FOXN3: variants seen among roughly 807,000 people sequenced by gnomAD.
The protein encoded by FOXN3 is forkhead box protein N3.
In FOXN3, 7 loss-of-function variants were observed where a neutral mutation model predicts 38.4. The observed-to-expected ratio is 0.18, with a 90% CI of 0.10 to 0.34. The LOEUF is 0.34. Among genes scored for constraint, FOXN3 ranks in the 10% least tolerant of loss-of-function variants. FOXN3 has a pLI of 1.00. For missense variants in FOXN3, 456 were observed against 613.4 expected (o/e 0.74, Z 2.71); for synonymous variants, 230 against 242.2 (o/e 0.95, Z 0.47).
intron 1 of FOXN3, among the ~76,000 whole-genome samples, chr14:89,581,723 AG>A (rs1419945251): frequency 6.6e-6 from 1 of 152,180 alleles, no homozygotes; most frequent in Non-Finnish European, 1.5e-5. Context: ...CTTATACCAC[AG>A]GACAGTGGAC....
At chr14:89,550,181 T>A (rs1482160895) in intron 1 of FOXN3, among the ~76,000 whole-genome samples, 1 of 152,126 alleles carries the variant, frequency 6.6e-6, no homozygotes, top group Non-Finnish European at 1.5e-5. Flanking sequence ...CAAAGGAAGC[T>A]CTGTGGTCTT....
rs78020544 is a variant in FOXN3, at chr14:89,481,944, G to T, written c.-14-69454C>A. Among the ~76,000 whole-genome samples the T allele has an allele frequency of 2.5e-4, 38 of 152,260 alleles. 1 individual carries two copies. In the East Asian group the frequency reaches 4.6e-3, roughly 19 times the overall value. On this transcript the variant is annotated intron_variant, in intron 1 of 6. Coordinates refer to the FOXN3 transcript ENST00000345097. ...ATATGGGGTAAACTGGCGTATGCTA[G>T]GACAGTCCTAGGCATACTGGGACTT... is the stretch of plus-strand genomic sequence containing the variant.
At chr14:89,492,618 A>T (rs1351771950) in intron 1 of FOXN3, among the ~76,000 whole-genome samples, 3 of 152,192 alleles carry the variant, frequency 2.0e-5, no homozygotes, top group Non-Finnish European at 4.4e-5. Flanking sequence ...AAACTGAGGC[A>T]GAAGGATCGC....
chr14:89,303,129 C>T (rs1017775909), intron 3 of FOXN3, among the ~76,000 whole-genome samples: 3 of 152,148 alleles, frequency 2.0e-5, no homozygotes, highest in Admixed American at 2.0e-4. Context: ...CCTGCCACCC[C>T]TTGTCTTTTA....
intron 2 of FOXN3, among the ~76,000 whole-genome samples, chr14:89,367,106 T>C (rs1260815764): frequency 2.6e-5 from 4 of 152,160 alleles, no homozygotes; most frequent in Non-Finnish European, 4.4e-5. Context: ...ACTGGGTTGT[T>C]TGGTGTTTGT....
At chr14:89,317,783 G>A (rs933638179) in intron 3 of FOXN3, among the ~76,000 whole-genome samples, 3 of 151,916 alleles carry the variant, frequency 2.0e-5, no homozygotes, top group African/African-American at 7.3e-5. Flanking sequence ...CGGCTGCACA[G>A]CAGGAGGTGA....
chr14:89,465,736 A>G (rs1187581340), intron 1 of FOXN3, among the ~76,000 whole-genome samples: 1 of 152,196 alleles, frequency 6.6e-6, no homozygotes, highest in Non-Finnish European at 1.5e-5. Flanking sequence ...GCTATGTTAC[A>G]TCCTCTCCAA....
chr14:89,559,843 G>A (rs1322709136), intron 1 of FOXN3, among the ~76,000 whole-genome samples: 1 of 152,048 alleles, frequency 6.6e-6, no homozygotes, highest in Admixed American at 6.5e-5. Flanking sequence ...TGGGGACACA[G>A]AGGCAGTCAC....
intron 4 of FOXN3, among the ~76,000 whole-genome samples, chr14:89,226,472 C>T (rs1400053065): frequency 1.3e-5 from 2 of 152,138 alleles, no homozygotes; most frequent in Non-Finnish European, 1.5e-5. Context: ...GATGGGGCCT[C>T]ACTATGTTAC....
chr14:89,239,106 G>A (rs767793047), intron 4 of FOXN3, among the ~76,000 whole-genome samples: 3 of 152,116 alleles, frequency 2.0e-5, no homozygotes, highest in Non-Finnish European at 4.4e-5. Flanking sequence ...AATTCACTCC[G>A]CCCCCCTCTT....
chr14:89,252,608 C>A, intron 4 of FOXN3, among the ~76,000 whole-genome samples: 1 of 147,070 alleles, frequency 6.8e-6, no homozygotes, highest in African/African-American at 2.5e-5. Context: ...GAGCCGAGAT[C>A]GTGCCATTGC....
At chr14:89,239,376 G>C (rs563650235) in intron 4 of FOXN3, among the ~76,000 whole-genome samples, 137 of 152,288 alleles carry the variant, frequency 9.0e-4, no homozygotes, top group African/African-American at 3.0e-3. Context: ...TTTCTTGGAG[G>C]GGGGAGGAGC....
At chr14:89,470,674 T>C (rs888556431) in intron 1 of FOXN3, among the ~76,000 whole-genome samples, 1 of 152,194 alleles carries the variant, frequency 6.6e-6, no homozygotes, top group African/African-American at 2.4e-5. Context: ...GGACATGAAT[T>C]TCTTTTGGGG....
chr14:89,430,276 G>C (rs912542331), intron 1 of FOXN3, among the ~76,000 whole-genome samples: 4 of 152,114 alleles, frequency 2.6e-5, no homozygotes, highest in African/African-American at 9.7e-5. Flanking sequence ...TTTGGTTCTG[G>C]TGGAAACAGG....
intron 3 of FOXN3, among the ~76,000 whole-genome samples, chr14:89,302,074 T>C (rs556242996): frequency 6.6e-6 from 1 of 152,204 alleles, no homozygotes; most frequent in South Asian, 2.1e-4. Context: ...AACGAAATGG[T>C]TGGGAAGGCC....
In FOXN3 at chr14:89,614,998, T is replaced by TCAA. The variant is rs1211496575; in HGVS notation, c.-15+4029_-15+4030insTTG. Reference sequence around the variant, plus strand: ...TAGGAATTGAAGCAATTAAATATACTCATTTTCAACATTCAGAAACTAATC... The same window carrying TCAA: ...TAGGAATTGAAGCAATTAAATATACTCAACATTTTCAACATTCAGAAACTAATC... On this transcript the variant is annotated intron_variant, in intron 1 of 6. Transcript: ENST00000345097. 1.9e-4 allele frequency among the ~76,000 whole-genome samples: 29 copies of TCAA among 152,248 alleles called. No homozygotes were observed. The South Asian group carries it at 5.8e-3, about 31-fold the overall frequency.
At chr14:89,241,056 A>G (rs2139866380) in intron 4 of FOXN3, among the ~76,000 whole-genome samples, 2 of 152,256 alleles carry the variant, frequency 1.3e-5, no homozygotes, top group South Asian at 4.1e-4. Context: ...TGACTCTGAC[A>G]AGCCTCCATT....
intron 1 of FOXN3, among the ~76,000 whole-genome samples, chr14:89,432,267 C>T (rs1482723423): frequency 6.6e-6 from 1 of 152,110 alleles, no homozygotes; most frequent in Admixed American, 6.5e-5. Context: ...GGGTGGGAGA[C>T]CTGGAATGTC....
chr14:89,581,877 C>T (rs551558811), intron 1 of FOXN3, among the ~76,000 whole-genome samples: 13 of 152,146 alleles, frequency 8.5e-5, no homozygotes, highest in Non-Finnish European at 1.6e-4. Context: ...TGACTTTTAT[C>T]CAGTTTCCTA....
Sources: allele counts gnomAD v4.1 joint callset (sites outside exome capture counted in the v4.1 genomes callset), GRCh38; gene constraint gnomAD v4.1.1; transcripts MANE v1.5; gene names NCBI Gene and HGNC (gene_info 2026-07-23, HGNC 2026-07-21).